Variants in SH3TC2 observed in about 807,000 individuals in gnomAD.
SH3TC2 encodes the protein SH3 domain and tetratricopeptide repeats 2.
Under a neutral mutation model 124.5 loss-of-function variants are expected in SH3TC2, and 87 were observed. That is an observed-to-expected ratio of 0.70 (90% CI 0.59 to 0.84). SH3TC2 has a LOEUF of 0.84. Ranked by LOEUF, SH3TC2 falls within the 40% of genes least tolerant of loss-of-function variation. The pLI is 0.00. For synonymous variants in SH3TC2, 634 were observed against 628.5 expected (o/e 1.01, Z -0.13); for missense variants, 1,536 against 1,566.4 (o/e 0.98, Z 0.33).
chr5:149,005,771 C>G (rs568020935), intron 16 of SH3TC2, among the ~76,000 whole-genome samples: 1 of 152,286 alleles, frequency 6.6e-6, no homozygotes, highest in Admixed American at 6.5e-5. Flanking sequence ...AAGAAAAGGA[C>G]AGCAGAGCTG....
intron 12 of SH3TC2, among the ~76,000 whole-genome samples, chr5:149,022,682 A>C (rs992523282): frequency 2.6e-5 from 4 of 152,260 alleles, no homozygotes; most frequent in Non-Finnish European, 4.4e-5. Context: ...GTAGTATATC[A>C]GTACAACAAA....
In SH3TC2 at chr5:149,052,203, A is replaced by C; in HGVS notation, c.90T>G (p.Ser30Arg). 1 of 1,613,630 alleles carries C rather than the reference A, an allele frequency of 6.2e-7. No individual in the cohort carries two copies. The highest frequency in any genetic ancestry group is 8.5e-7 in the Non-Finnish European group (1 of 1,179,594). The change falls in exon 2 of 17, where the codon AGT becomes AGG. Residue 30 changes from serine (S) to arginine (R), a missense_variant. Around this residue, in one of 3 missense-constraint regions of SH3TC2, gnomAD observed 1,102 missense variants for 1,098.6 expected, o/e 1.00. Coordinates refer to ENST00000515425, the MANE Select transcript of SH3TC2 (RefSeq NM_024577.4). ...ETPSKDPTVS[S>R]ECIASSEYKE... ...TGTATTCAGATGAGGCTATACACTC[A>C]CTCGATACAGTTGGATCCTTGGAAG...
rs73795736 is a variant in SH3TC2, at chr5:149,009,118, G to A, written c.3328-117C>T. 1,712 of 1,208,844 alleles carry A rather than the reference G, an allele frequency of 1.4e-3. 14 individuals carry two copies. In the African/African-American group the frequency reaches 0.023, roughly 16 times the overall value. 74.9% of individuals were successfully genotyped at this position (1,208,844 alleles called of 1,614,324 possible). A position where few individuals can be genotyped will look rare whatever the true frequency, so the allele number is the denominator to read the frequency against. ...GGGAACGGCAGTGGACTAAAACAAA[G>A]GGGAGTCAGCCATGTTTCCCTGTGT... On this transcript the variant is annotated intron_variant, in intron 14 of 16. Transcript: ENST00000515425.
intron 3 of SH3TC2, chr5:149,047,134 C>T (rs1754476539): frequency 6.6e-6 from 1 of 152,460 alleles, no homozygotes; most frequent in Non-Finnish European, 1.5e-5. Context: ...ACATCCTAAA[C>T]TGTAAATAAT....
chr5:149,055,812 T>C (rs978547393), intron 1 of SH3TC2, among the ~76,000 whole-genome samples: 1 of 152,160 alleles, frequency 6.6e-6, no homozygotes, highest in Non-Finnish European at 1.5e-5. Context: ...CCGGGCATGG[T>C]GGCACATGCC....
At chr5:149,059,868 A>G (rs569797763) in intron 1 of SH3TC2, among the ~76,000 whole-genome samples, 1 of 152,344 alleles carries the variant, frequency 6.6e-6, no homozygotes, top group South Asian at 2.1e-4. Flanking sequence ...TTCTTCAAAA[A>G]GTAAGAGAAA....
rs1184182861 is a variant in SH3TC2 at position 149,004,810 on chromosome 5, C to T, written c.3768G>A (p.Arg1256=). The part of the protein sequence containing the change: ...DEELQDTIRS[R]LDNICQSPLW... ...GGGGGCTCTGGCAGATGTTGTCCAG[C>T]CTGCTCCTAATGGTGTCCTGAAGCT... The change falls in exon 17 of 17, where the codon AGG becomes AGA. Residue 1256 remains arginine, a synonymous_variant. Transcript: ENST00000515425. 6 of 1,614,026 alleles carry T rather than the reference C, an allele frequency of 3.7e-6. No homozygotes were observed. The highest frequency in any genetic ancestry group is 3.3e-5 in the Admixed American group (2 of 60,010).
intron 6 of SH3TC2, 37 bp from the exon 7 acceptor site, chr5:149,040,714 T>C (rs1442690317): frequency 6.4e-7 from 1 of 1,570,918 alleles, no homozygotes; most frequent in East Asian, 2.2e-5. Context: ...AACACAGATT[T>C]CAAAAAATTG....
Position 148,985,816 on chromosome 5 carries a change from C to G in SH3TC2, c.*18895G>C, listed in dbSNP as rs1229773872. On this transcript the variant is annotated 3_prime_UTR_variant, in exon 17 of 17. Transcript: ENST00000515425. Reference sequence around the variant, plus strand: ...CAAAACAGCTGTTTCATTTTGCATTCCCAGCAGCAATAGCCACTTTTATTT... The same window carrying G: ...CAAAACAGCTGTTTCATTTTGCATTGCCAGCAGCAATAGCCACTTTTATTT... Among the ~76,000 whole-genome samples the G allele has an allele frequency of 2.0e-5, 3 of 152,132 alleles. No individual in the cohort carries two copies. The highest frequency in any genetic ancestry group is 2.0e-4 in the Admixed American group (3 of 15,266).
At position 149,059,424 on chromosome 5, in the gene SH3TC2, C is replaced by A. The variant is rs116485204; in HGVS notation, c.52+3547G>T. Among the ~76,000 whole-genome samples the A allele has an allele frequency of 1.0e-3, 152 of 152,240 alleles. 1 individual carries two copies. Among genetic ancestry groups the A allele is most frequent in the African/African-American group, 3.5e-3 (146 of 41,546 alleles). On this transcript the variant is annotated intron_variant, in intron 1 of 16. Transcript: ENST00000515425. ...CTCAGCCTCTCTTTGCTCCTACCCACCCACCACCATGCTCAACTTTAAAAA... is the reference window on the plus strand; with the variant it reads ...CTCAGCCTCTCTTTGCTCCTACCCAACCACCACCATGCTCAACTTTAAAAA...
chr5:149,022,417 T>C (rs1753989959), intron 12 of SH3TC2, among the ~76,000 whole-genome samples: 1 of 152,174 alleles, frequency 6.6e-6, no homozygotes. Context: ...TGGGAGACAT[T>C]GGAACCCTTA....
chr5:149,049,279 C>T (rs1201150669), intron 2 of SH3TC2, among the ~76,000 whole-genome samples: 2 of 152,200 alleles, frequency 1.3e-5, no homozygotes, highest in Admixed American at 1.3e-4. Flanking sequence ...ATCTGGTAGC[C>T]TCATGGCATG....
intron 12 of SH3TC2, 132 bp from the exon 13 acceptor site, chr5:149,012,866 G>T: frequency 1.0e-6 from 1 of 1,000,424 alleles, no homozygotes; most frequent in Non-Finnish European, 1.6e-6. Flanking sequence ...GGGCCTGATT[G>T]AATGCCAGCT....
intron 15 of SH3TC2, chr5:149,007,683 C>T (rs763362216): frequency 2.1e-4 from 35 of 170,562 alleles, no homozygotes; most frequent in African/African-American, 6.0e-4. Flanking sequence ...TGGTTTCTAA[C>T]GGGTCTATGA....
At chr5:149,038,712 C>T (rs1355971780) in intron 7 of SH3TC2, among the ~76,000 whole-genome samples, 1 of 152,252 alleles carries the variant, frequency 6.6e-6, no homozygotes, top group Non-Finnish European at 1.5e-5. Flanking sequence ...CTACAATCCA[C>T]TTTCACCAAA....
At chr5:149,012,533 C>A in intron 13 of SH3TC2, 51 bp downstream of exon 13, 7 of 1,611,552 alleles carry the variant, frequency 4.3e-6, no homozygotes, top group Non-Finnish European at 5.9e-6. Flanking sequence ...ACAGCTGCCT[C>A]CCCAAATGAT....
intron 16 of SH3TC2, chr5:149,006,365 A>G (rs1753688876): frequency 8.0e-6 from 1 of 124,756 alleles, no homozygotes; most frequent in South Asian, 1.9e-4. Flanking sequence ...AAGGCCCCAT[A>G]CCTCGTTATC....
At chr5:149,021,880 CTTTCTTTTTTT>C (rs1753977484) in intron 12 of SH3TC2, among the ~76,000 whole-genome samples, 1 of 27,182 alleles carries the variant, frequency 3.7e-5, no homozygotes, top group East Asian at 1.4e-3. Context: ...TTCACAAACT[CTTTCTTTTTTT>C]TTTTTTTTTT....
At chr5:149,056,835 A>C (rs961388980) in intron 1 of SH3TC2, among the ~76,000 whole-genome samples, 22 of 152,220 alleles carry the variant, frequency 1.4e-4, no homozygotes, top group Non-Finnish European at 4.4e-5. Context: ...TGAAAACTTG[A>C]GCTGGGCCTT....
Sources: allele counts gnomAD v4.1 joint callset (sites outside exome capture counted in the v4.1 genomes callset), GRCh38; gene constraint gnomAD v4.1.1; regional missense constraint gnomAD v4.1.1; transcripts MANE v1.5; gene names NCBI Gene and HGNC (gene_info 2026-07-23, HGNC 2026-07-21).